SLC24A2: variants seen among roughly 807,000 people sequenced by gnomAD.
The protein encoded by SLC24A2 is solute carrier family 24 member 2.
Under a neutral mutation model 62.0 loss-of-function variants are expected in SLC24A2, and 36 were observed. The ratio of observed to expected loss-of-function variants is 0.58; its 90% CI spans 0.44 to 0.77. The LOEUF is 0.77. Ranked by LOEUF, SLC24A2 falls within the 30% of genes least tolerant of loss-of-function variation. The pLI is 0.00. For missense variants in SLC24A2, 846 were observed against 817.9 expected (o/e 1.03, Z -0.42); for synonymous variants, 358 against 294.0 (o/e 1.22, Z -2.23).
At chr9:20,222,803 G>A in the SLC24A2 span, among the ~76,000 whole-genome samples, 1 of 152,016 alleles carries the variant, frequency 6.6e-6, no homozygotes, top group Non-Finnish European at 1.5e-5. Context: ...CTGCCAACTA[G>A]AATTATAAAT....
chr9:20,059,782 G>T, the SLC24A2 span, among the ~76,000 whole-genome samples: 1 of 151,926 alleles, frequency 6.6e-6, no homozygotes, highest in Non-Finnish European at 1.5e-5. Flanking sequence ...AGCTAGCAGA[G>T]GGAAGGAAAG....
chr9:19,993,248 G>A, the SLC24A2 span, among the ~76,000 whole-genome samples: 39 of 152,224 alleles, frequency 2.6e-4, no homozygotes, highest in East Asian at 3.1e-3. Flanking sequence ...AGAATTTCCC[G>A]AGCTTCGTTC....
At chr9:19,535,025 T>G (rs920209411) in intron 8 of SLC24A2, among the ~76,000 whole-genome samples, 1 of 152,162 alleles carries the variant, frequency 6.6e-6, no homozygotes, top group African/African-American at 2.4e-5. Flanking sequence ...CACCTGTTGT[T>G]TCCTGACTTT....
At chr9:20,058,734 C>T in the SLC24A2 span, among the ~76,000 whole-genome samples, 2 of 152,198 alleles carry the variant, frequency 1.3e-5, no homozygotes, top group African/African-American at 4.8e-5. Flanking sequence ...TCACTATACT[C>T]TCTTCTGGGC....
At chr9:19,832,507 A>C in the SLC24A2 span, among the ~76,000 whole-genome samples, 2 of 152,210 alleles carry the variant, frequency 1.3e-5, no homozygotes, top group Non-Finnish European at 2.9e-5. Context: ...TCCCTATTTA[A>C]TAAATAGTGC....
chr9:19,700,836 T>C (rs894460630), intron 2 of SLC24A2, among the ~76,000 whole-genome samples: 5 of 152,292 alleles, frequency 3.3e-5, no homozygotes, highest in Middle Eastern at 3.4e-3. Context: ...ATTAACCTTC[T>C]CCATTTTCAA....
intron 2 of SLC24A2, among the ~76,000 whole-genome samples, chr9:19,657,240 G>C (rs1818968180): frequency 6.6e-6 from 1 of 152,066 alleles, no homozygotes; most frequent in East Asian, 1.9e-4. Flanking sequence ...AACTCAACCT[G>C]GCACTCCATC....
intron 2 of SLC24A2, among the ~76,000 whole-genome samples, chr9:19,680,397 C>A (rs1819685834): frequency 6.6e-6 from 1 of 152,132 alleles, no homozygotes; most frequent in South Asian, 2.1e-4. Context: ...GGCAAACCCA[C>A]TGCCCAAAGG....
In SLC24A2 at chr9:19,632,906, T is replaced by C. The variant is rs192603044; in HGVS notation, c.931-10607A>G. On this transcript the variant is annotated intron_variant, in intron 2 of 10. Coordinates refer to ENST00000341998, the MANE Select transcript of SLC24A2 (RefSeq NM_020344.4). The surrounding 1 kb of genome is among the most constrained non-coding windows in gnomAD (Gnocchi z 4.5). ...TAGCTTCATGTAACCACCACTGCAA[T>C]CAAGATAATTAACTATAACATCATC... Among the ~76,000 whole-genome samples the C allele has an allele frequency of 3.3e-5, 5 of 152,316 alleles. No individual in the cohort carries two copies. In the East Asian group the frequency reaches 9.6e-4, roughly 29 times the overall value.
chr9:20,152,641 G>A, the SLC24A2 span, among the ~76,000 whole-genome samples: 1 of 151,874 alleles, frequency 6.6e-6, no homozygotes, highest in Non-Finnish European at 1.5e-5. Context: ...GTCTGGGAGT[G>A]AAATTGCCTT....
In SLC24A2 at chr9:19,525,386, CTTTACTTTTT is replaced by C. The variant is rs1488916934; in HGVS notation, c.1569+2653_1569+2662del. On this transcript the variant is annotated intron_variant, in intron 9 of 10. Coordinates refer to ENST00000341998, the MANE Select transcript of SLC24A2 (RefSeq NM_020344.4). The stretch of plus-strand genomic sequence containing the variant: ...TCTGCAAGGTTTTTTTTTCCTATTT[CTTTACTTTTT>C]TTTTTTTTTTTTTTTTTTTTTTTAA... Among the ~76,000 whole-genome samples the C allele has an allele frequency of 6.4e-4, 30 of 47,200 alleles. 2 individuals are homozygous for C. The highest frequency in any genetic ancestry group is 3.1e-3 in the South Asian group (4 of 1,274). 31.0% of individuals were successfully genotyped at this position (47,200 alleles called of 152,430 possible).
At chr9:20,227,073 C>A in the SLC24A2 span, among the ~76,000 whole-genome samples, 1 of 152,072 alleles carries the variant, frequency 6.6e-6, no homozygotes, top group South Asian at 2.1e-4. Context: ...TTTATCTCAG[C>A]GTTAGTAACA....
chr9:19,588,160 AG>A (rs1467298686), intron 5 of SLC24A2, among the ~76,000 whole-genome samples: 2 of 139,794 alleles, frequency 1.4e-5, no homozygotes, highest in Non-Finnish European at 3.0e-5. Flanking sequence ...GGTTCAATAC[AG>A]TTTTTTTTCT....
the SLC24A2 span, among the ~76,000 whole-genome samples, chr9:19,864,742 G>A: frequency 6.6e-6 from 1 of 151,994 alleles, no homozygotes; most frequent in East Asian, 1.9e-4. Flanking sequence ...TATTGAATGG[G>A]GATAAACTGA....
chr9:20,102,452 T>C, the SLC24A2 span, among the ~76,000 whole-genome samples: 3 of 121,658 alleles, frequency 2.5e-5, no homozygotes, highest in South Asian at 2.6e-4. Context: ...TGAGAACACA[T>C]AGACACAGGG....
intron 2 of SLC24A2, among the ~76,000 whole-genome samples, chr9:19,742,395 G>A (rs908263717): frequency 4.6e-5 from 7 of 152,152 alleles, no homozygotes; most frequent in East Asian, 1.9e-4. Context: ...CATCCTTTCA[G>A]AAGGTGTGAA....
At chr9:19,544,705 A>C (rs139607323) in intron 8 of SLC24A2, among the ~76,000 whole-genome samples, 2 of 152,150 alleles carry the variant, frequency 1.3e-5, no homozygotes, top group Non-Finnish European at 2.9e-5. Flanking sequence ...GTTTGCCTGG[A>C]TATGAAATTC....
chr9:20,219,310 G>C, the SLC24A2 span, among the ~76,000 whole-genome samples: 2 of 152,290 alleles, frequency 1.3e-5, no homozygotes, highest in Admixed American at 6.5e-5. Flanking sequence ...GATGTGGGAA[G>C]TGCACTGGAA....
the SLC24A2 span, among the ~76,000 whole-genome samples, chr9:19,801,702 G>T: frequency 6.6e-6 from 1 of 152,106 alleles, no homozygotes; most frequent in South Asian, 2.1e-4. Flanking sequence ...CTATCTGACT[G>T]GTCAGGTGTG....
Sources: gnomAD v4.1 joint callset for allele counts (sites outside exome capture counted in the v4.1 genomes callset) on GRCh38, gnomAD v4.1.1 for gene constraint, Gnocchi (gnomAD v3.1) non-coding constraint, MANE v1.5 for transcripts, NCBI Gene and HGNC (gene_info 2026-07-23, HGNC 2026-07-21) for gene names.